The following SQSTM1 variants were observed in gnomAD, a reference collection of about 807,000 sequenced individuals.
SQSTM1 encodes sequestosome 1.
A neutral mutation model predicts 45.1 loss-of-function variants in SQSTM1; 36 were observed. That is an observed-to-expected ratio of 0.80 (90% CI 0.61 to 1.05). SQSTM1 has a LOEUF of 1.05. SQSTM1 is among the 50% of genes least tolerant of loss of function. The pLI is 0.00. For synonymous variants in SQSTM1, 290 were observed against 244.3 expected (o/e 1.19, Z -1.74); for missense variants, 617 against 607.1 (o/e 1.02, Z -0.17).
At chr5:179,828,369 C>CTTTTTTTTTT (rs57483633) in intron 5 of SQSTM1, among the ~76,000 whole-genome samples, 1 of 98,272 alleles carries the variant, frequency 1.0e-5, no homozygotes, top group African/African-American at 4.0e-5. Context: ...TTTTTCTTAT[C>CTTTTTTTTTT]TTTTTTTTTT....
At chr5:179,812,223 T>A (rs1312252932) in intron 2 of SQSTM1, 1 of 152,262 alleles carries the variant, frequency 6.6e-6, no homozygotes, top group Non-Finnish European at 1.5e-5. Context: ...AGGGCACAGT[T>A]CCAGTGCAAA....
intron 7 of SQSTM1, 161 bp from the exon 8 acceptor site, chr5:179,836,275 C>G: frequency 1.1e-6 from 1 of 906,648 alleles, no homozygotes; most frequent in South Asian, 1.4e-5. Context: ...TGGCCCTTTA[C>G]AGGGAAAGCA....
Position 179,833,191 on chromosome 5 carries a change from A to G in SQSTM1, c.914A>G (p.Gln305Arg), listed in dbSNP as rs1428718517. ...KPGGNVEGAT[Q>R]SLAEQMRKIA... ...GGTGGGAATGTTGAGGGCGCCACGC[A>G]GTCTCTGGCGGAGCAGATGAGGAAG... Residue 305 changes from glutamine (Q) to arginine (R), a missense_variant, in exon 6 of 8, where the codon CAG becomes CGG. Transcript: ENST00000389805. 5 of 1,613,276 alleles carry G rather than the reference A, an allele frequency of 3.1e-6. No individual in the cohort carries two copies. Among genetic ancestry groups the G allele is most frequent in the Non-Finnish European group, 4.2e-6 (5 of 1,179,752 alleles).
chr5:179,835,212 A>G (rs1340029018), intron 7 of SQSTM1: 6 of 188,786 alleles, frequency 3.2e-5, no homozygotes, highest in East Asian at 3.7e-4. Flanking sequence ...CTGGGCAGCC[A>G]GGCAGAGGGG....
At chr5:179,822,642 A>G (rs1757823614) in intron 1 of SQSTM1, 2 of 389,684 alleles carry the variant, frequency 5.1e-6, no homozygotes, top group East Asian at 6.2e-5. Flanking sequence ...ATGGGGAATG[A>G]GGTGGCACGT....
intron 1 of SQSTM1, among the ~76,000 whole-genome samples, chr5:179,808,627 C>A (rs1430487977): frequency 1.3e-5 from 2 of 151,168 alleles, no homozygotes; most frequent in Non-Finnish European, 3.0e-5. Flanking sequence ...ACCATCCTGG[C>A]TAACACGGTG....
upstream of SQSTM1, chr5:179,820,071 T>C (rs976181348): frequency 6.5e-6 from 1 of 152,734 alleles, no homozygotes; most frequent in African/African-American, 2.4e-5. Flanking sequence ...CAGGTTACTC[T>C]GGTGGCATAA....
upstream of SQSTM1, among the ~76,000 whole-genome samples, chr5:179,817,380 C>G (rs1418305121): frequency 6.6e-6 from 1 of 152,234 alleles, no homozygotes; most frequent in African/African-American, 2.4e-5. Context: ...GAGGGCCGCC[C>G]CCAAGTGGCC....
At chr5:179,816,500 T>C (rs1419515679), upstream of SQSTM1, among the ~76,000 whole-genome samples, 1 of 152,134 alleles carries the variant, frequency 6.6e-6, no homozygotes, top group Non-Finnish European at 1.5e-5. Flanking sequence ...GGGCCATCGC[T>C]CCTGCTGCAA....
chr5:179,817,252 C>T (rs942416335), upstream of SQSTM1, among the ~76,000 whole-genome samples: 16 of 152,230 alleles, frequency 1.1e-4, no homozygotes, highest in African/African-American at 3.6e-4. Context: ...GGTTCTGCCC[C>T]GGGCCGCGCG....
chr5:179,832,559 A>T (rs1436305638), intron 5 of SQSTM1, among the ~76,000 whole-genome samples: 1 of 152,198 alleles, frequency 6.6e-6, no homozygotes, highest in Non-Finnish European at 1.5e-5. Context: ...CGCCTGCCAC[A>T]TGTGGTATTG....
intron 5 of SQSTM1, among the ~76,000 whole-genome samples, chr5:179,829,109 C>G (rs376104408): frequency 6.6e-6 from 1 of 152,192 alleles, no homozygotes; most frequent in African/African-American, 2.4e-5. Context: ...TGGCTCTTGC[C>G]AACAATTGAA....
At chr5:179,810,969 T>G (rs1049446697) in intron 1 of SQSTM1, among the ~76,000 whole-genome samples, 1 of 151,680 alleles carries the variant, frequency 6.6e-6, no homozygotes, top group African/African-American at 2.4e-5. Context: ...GTAATCCAAG[T>G]GAGACAGCCA....
At position 179,830,347 on chromosome 5, in the gene SQSTM1, C is replaced by T. The variant is rs563871024; in HGVS notation, c.755-2685C>T. ...CAAACAAACATGAACAGCTAGGAGACAATGGAACAACTGATGACTCCAGAA... is the reference window on the plus strand; with the variant it reads ...CAAACAAACATGAACAGCTAGGAGATAATGGAACAACTGATGACTCCAGAA... On this transcript the variant is annotated intron_variant, in intron 5 of 7. Coordinates refer to ENST00000389805, the MANE Select transcript of SQSTM1 (RefSeq NM_003900.5). Among the ~76,000 whole-genome samples, 11 of 152,232 alleles carry T rather than the reference C, an allele frequency of 7.2e-5. No individual in the cohort carries two copies. The South Asian group carries it at 2.3e-3, about 32-fold the overall frequency.
At position 179,837,383 on chromosome 5, in the gene SQSTM1, G is replaced by C. The variant is rs766053650; in HGVS notation, c.*790G>C. ...GTGTATCTCGATTAATAACCTGCCA[G>C]TCCCAGATCACACATCATCATCGAA... On this transcript the variant is annotated 3_prime_UTR_variant, in exon 8 of 8. Transcript: ENST00000389805. 6.3e-7 allele frequency: 1 copy of C among 1,585,598 alleles called. No individual in the cohort carries two copies. The highest frequency in any genetic ancestry group is 8.6e-7 in the Non-Finnish European group (1 of 1,164,356).
At chr5:179,832,916 G>T in intron 5 of SQSTM1, 116 bp from the exon 6 acceptor site, 1 of 1,058,592 alleles carries the variant, frequency 9.4e-7, no homozygotes, top group Non-Finnish European at 1.5e-6. Flanking sequence ...TTAGCTGCTT[G>T]TGGGGACTGA....
In SQSTM1 at chr5:179,834,660, C is replaced by T. The variant is rs4333276; in HGVS notation, c.1165+878C>T. Among the ~76,000 whole-genome samples, 31 of 152,128 alleles carry T rather than the reference C, an allele frequency of 2.0e-4. No individual in the cohort carries two copies. In the East Asian group the frequency reaches 5.8e-3, roughly 28 times the overall value. ...CAAGCATCTGTTTAACAAAGCACATCTTGCACCGCCCTTAATCCATTTAAC... is the reference window on the plus strand; with the variant it reads ...CAAGCATCTGTTTAACAAAGCACATTTTGCACCGCCCTTAATCCATTTAAC... On this transcript the variant is annotated intron_variant, in intron 7 of 7. Coordinates refer to ENST00000389805, the MANE Select transcript of SQSTM1 (RefSeq NM_003900.5).
At chr5:179,828,212 C>G (rs758064101) in intron 5 of SQSTM1, among the ~76,000 whole-genome samples, 5 of 152,182 alleles carry the variant, frequency 3.3e-5, no homozygotes, top group Non-Finnish European at 7.3e-5. Context: ...AAATCTCACG[C>G]TTTCATCACC....
intron 1 of SQSTM1, chr5:179,822,486 T>G: frequency 3.9e-6 from 1 of 255,134 alleles, no homozygotes; most frequent in Non-Finnish European, 7.9e-6. Flanking sequence ...TTCAGCTTTG[T>G]TAGGGAAGGA....
Sources: gnomAD v4.1 joint callset for allele counts (sites outside exome capture counted in the v4.1 genomes callset) on GRCh38, gnomAD v4.1.1 for gene constraint, MANE v1.5 for transcripts, NCBI Gene and HGNC (gene_info 2026-07-23, HGNC 2026-07-21) for gene names.